The following CCDC169 variants were observed in gnomAD, a reference collection of about 807,000 sequenced individuals.
The protein encoded by CCDC169 is coiled-coil domain-containing protein 169.
Under a neutral mutation model 36.0 loss-of-function variants are expected in CCDC169, and 30 were observed. The observed-to-expected ratio is 0.83, with a 90% confidence interval of 0.62 to 1.13. The LOEUF is 1.13. Among genes scored for constraint, CCDC169 ranks in the 50% most tolerant of loss-of-function variants. The pLI is 0.00. For synonymous variants in CCDC169, 85 were observed against 81.5 expected (o/e 1.04, Z -0.23); for missense variants, 245 against 245.9 (o/e 1.00, Z 0.03).
intron 2 of CCDC169, among the ~76,000 whole-genome samples, chr13:36,284,711 T>A (rs1379423869): frequency 6.6e-6 from 1 of 152,206 alleles, no homozygotes; most frequent in Non-Finnish European, 1.5e-5. Context: ...AAAGTCAGGC[T>A]TTGTAGAGGG....
chr13:36,277,586 T>C (rs1446071881), intron 4 of CCDC169, among the ~76,000 whole-genome samples: 1 of 152,224 alleles, frequency 6.6e-6, no homozygotes, highest in African/African-American at 2.4e-5. Context: ...AGTCCCGTTT[T>C]GGTGAATGCA....
intron 4 of CCDC169, among the ~76,000 whole-genome samples, chr13:36,274,856 T>C (rs1876556718): frequency 6.8e-6 from 1 of 147,330 alleles, no homozygotes. Flanking sequence ...GAGAGAAAAT[T>C]CCATTAGCTG....
intron 7 of CCDC169, among the ~76,000 whole-genome samples, chr13:36,245,003 T>A (rs983181430): frequency 5.3e-5 from 8 of 152,306 alleles, no homozygotes; most frequent in Non-Finnish European, 1.0e-4. Flanking sequence ...AAGAATATAC[T>A]TTATCTAGCC....
intron 2 of CCDC169, among the ~76,000 whole-genome samples, chr13:36,284,151 T>C (rs1432278728): frequency 6.6e-6 from 1 of 151,614 alleles, no homozygotes; most frequent in African/African-American, 2.4e-5. Context: ...TTGAAATACA[T>C]ATTTATATAT....
At chr13:36,273,295 T>C (rs1171002712) in intron 4 of CCDC169, among the ~76,000 whole-genome samples, 1 of 152,220 alleles carries the variant, frequency 6.6e-6, no homozygotes. Context: ...AAAATTATGA[T>C]TTTACTTACA....
chr13:36,263,451 T>C (rs745876698), intron 4 of CCDC169, among the ~76,000 whole-genome samples: 14 of 152,232 alleles, frequency 9.2e-5, no homozygotes, highest in Non-Finnish European at 1.2e-4. Context: ...CAAAATATTT[T>C]AGAGCTCATA....
At chr13:36,254,911 C>T (rs946332511) in intron 4 of CCDC169, among the ~76,000 whole-genome samples, 5 of 152,180 alleles carry the variant, frequency 3.3e-5, no homozygotes, top group African/African-American at 9.7e-5. Context: ...GCCCTCACAT[C>T]GTGACCTGCC....
At chr13:36,241,331 A>C (rs9546837) in intron 7 of CCDC169, among the ~76,000 whole-genome samples, 61,568 of 151,962 alleles carry the variant, frequency 0.41, 13,245 homozygotes, top group Non-Finnish European at 0.48. Context: ...ATGTAACCAC[A>C]ACTTAGGTCA....
chr13:36,297,643 C>A lies in CCDC169; in HGVS notation c.77G>T (p.Arg26Leu), dbSNP rs1879699815. 5.8e-6 allele frequency: 9 copies of A among 1,550,678 alleles called. No individual in the cohort carries two copies. Among genetic ancestry groups the A allele is most frequent in the Non-Finnish European group, 6.1e-6 (7 of 1,146,988 alleles). The change falls in exon 1 of 8, where the codon CGC becomes CTC. Residue 26 changes from arginine (R) to leucine (L), a missense_variant. Arg to Leu is a moderately radical substitution (Grantham distance 102). Coordinates refer to ENST00000239859, the MANE Select transcript of CCDC169 (RefSeq NM_001144981.3). ...GCGCCGCCCGCCGACTCACTTCTTG[C>A]GGACTTCTTCCAGCAACTGCTGTTT... ...RLKQQLLEEVRKKDAVQLSIF... is the reference protein window; with the variant it reads ...RLKQQLLEEVLKKDAVQLSIF...
intron 6 of CCDC169, among the ~76,000 whole-genome samples, chr13:36,252,302 G>C (rs566850806): frequency 9.2e-5 from 14 of 152,290 alleles, no homozygotes; most frequent in African/African-American, 3.4e-4. Context: ...GAGAATGCAA[G>C]AACTTATCCT....
chr13:36,259,588 G>C (rs2138508654), intron 4 of CCDC169, among the ~76,000 whole-genome samples: 1 of 152,232 alleles, frequency 6.6e-6, no homozygotes. Context: ...TGCAAATGAA[G>C]ACAGCCCACG....
At chr13:36,271,960 C>T (rs1876119966) in intron 4 of CCDC169, among the ~76,000 whole-genome samples, 1 of 151,588 alleles carries the variant, frequency 6.6e-6, no homozygotes, top group African/African-American at 2.4e-5. Context: ...CAGTGCATGT[C>T]TGTCATCCCA....
chr13:36,234,796 A>G (rs557016195), intron 7 of CCDC169, among the ~76,000 whole-genome samples: 1 of 152,310 alleles, frequency 6.6e-6, no homozygotes, highest in East Asian at 1.9e-4. Context: ...GGAATTAATC[A>G]TCAGCAAACC....
At chr13:36,223,121 C>T (rs936625804), downstream of CCDC169, 7 of 152,076 alleles carry the variant, frequency 4.6e-5, no homozygotes, top group Admixed American at 6.5e-5. Context: ...AATGGCAAAA[C>T]GTTTTTGAAA....
rs1029734093 is a variant in CCDC169, at chr13:36,270,907, C to G, written c.315+12562G>C. 2.6e-5 allele frequency among the ~76,000 whole-genome samples: 4 copies of G among 152,046 alleles called. No individual in the cohort carries two copies. In the East Asian group the frequency reaches 5.8e-4, roughly 22 times the overall value. On this transcript the variant is annotated intron_variant, in intron 4 of 7. Coordinates refer to ENST00000239859, the MANE Select transcript of CCDC169 (RefSeq NM_001144981.3). ...ATGCAAAAAGCAAATGCAACAAAAA[C>G]AAAAATAAATACATAAGACCTAATT...
chr13:36,240,241 TCTTGA>T (rs1341837558), intron 7 of CCDC169, among the ~76,000 whole-genome samples: 2 of 151,944 alleles, frequency 1.3e-5, no homozygotes, highest in Admixed American at 1.3e-4. Flanking sequence ...CTGGACTATC[TCTTGA>T]CTTTTCTCTT....
chr13:36,283,280 T>C lies in CCDC169; in HGVS notation c.315+189A>G, dbSNP rs1287970035. On this transcript the variant is annotated intron_variant, in intron 4 of 7. Transcript: ENST00000239859. The stretch of plus-strand genomic sequence containing the variant: ...CTGCTCTTCAGGACACCTGTGAATA[T>C]AGCTGGCAACTTAGTGCTCCACCTA... 2.4e-5 allele frequency: 15 copies of C among 613,128 alleles called. No homozygotes were observed. In the South Asian group the frequency reaches 3.1e-4, roughly 13 times the overall value. 38.0% of individuals were successfully genotyped at this position (613,128 alleles called of 1,614,324 possible).
chr13:36,230,707 T>C, downstream of CCDC169: 1 of 947,730 alleles, frequency 1.1e-6, no homozygotes, highest in Non-Finnish European at 1.3e-6. Context: ...AACAAGTTTA[T>C]TTAAGATTGA....
chr13:36,297,006 T>C (rs1323113020), intron 1 of CCDC169, among the ~76,000 whole-genome samples: 1 of 152,080 alleles, frequency 6.6e-6, no homozygotes, highest in Non-Finnish European at 1.5e-5. Context: ...TGTAGTTTGG[T>C]AGCAAAACAA....
Sources: allele counts gnomAD v4.1 joint callset (sites outside exome capture counted in the v4.1 genomes callset), GRCh38; gene constraint gnomAD v4.1.1; transcripts MANE v1.5; gene names NCBI Gene and HGNC (gene_info 2026-07-23, HGNC 2026-07-21).